Variants in ZNF451 observed in about 807,000 individuals in gnomAD.
The protein encoded by ZNF451 is E3 SUMO-protein ligase ZNF451.
ZNF451 carries 80 observed loss-of-function variants against 107.1 expected under a neutral mutation model. The ratio of observed to expected loss-of-function variants is 0.75; its 90% confidence interval spans 0.62 to 0.90. The LOEUF (loss-of-function observed/expected upper bound fraction) is 0.90. Among genes scored for constraint, ZNF451 ranks in the 40% least tolerant of loss-of-function variants. The pLI is 0.00. For synonymous variants in ZNF451, 362 were observed against 406.5 expected (o/e 0.89, Z 1.32); for missense variants, 1,107 against 1,236.2 (o/e 0.90, Z 1.57).
chr6:57,163,575 C>T (rs1332422711), intron 14 of ZNF451, among the ~76,000 whole-genome samples: 1 of 148,240 alleles, frequency 6.7e-6, no homozygotes, highest in African/African-American at 2.5e-5. Context: ...CTCAGCCTCC[C>T]GAGTAGCTGG....
intron 3 of ZNF451, chr6:57,102,702 A>T (rs925551437): frequency 1.0e-6 from 1 of 985,330 alleles, no homozygotes; most frequent in Admixed American, 6.2e-5. Flanking sequence ...CTGGAATTCA[A>T]ATCAAATTTT....
chr6:57,120,213 G>T lies in ZNF451; in HGVS notation c.187-4521G>T, dbSNP rs745386489. 2.6e-5 allele frequency among the ~76,000 whole-genome samples: 4 copies of T among 152,052 alleles called. No individual in the cohort carries two copies. The East Asian group carries it at 7.7e-4, about 29-fold the overall frequency. On this transcript the variant is annotated intron_variant, in intron 3 of 14. Coordinates refer to ENST00000370706, the MANE Select transcript of ZNF451 (RefSeq NM_001031623.3). ...TTGGCTTCTTTCACTTAGTAATCAGGTGCTTTTAAGGTTCCTCCATGTCTT... is the reference window on the plus strand; with the variant it reads ...TTGGCTTCTTTCACTTAGTAATCAGTTGCTTTTAAGGTTCCTCCATGTCTT...
chr6:57,102,261 A>G, intron 3 of ZNF451: 2 of 1,354,098 alleles, frequency 1.5e-6, no homozygotes, highest in South Asian at 2.2e-5. Context: ...GAAATGAAGT[A>G]TATAATAAAG....
intron 3 of ZNF451, chr6:57,108,771 A>ATTTG: frequency 1.0e-6 from 1 of 985,436 alleles, no homozygotes; most frequent in Non-Finnish European, 1.2e-6. Context: ...AAGAATCTAC[A>ATTTG]TTTGTATAGT....
At chr6:57,104,521 G>A in intron 3 of ZNF451, 2 of 985,112 alleles carry the variant, frequency 2.0e-6, no homozygotes, top group Non-Finnish European at 2.4e-6. Context: ...AATAAGTTAT[G>A]CCTGAGAATG....
At position 57,147,001 on chromosome 6, in the gene ZNF451, T is replaced by A; in HGVS notation, c.1005-89T>A. 3 of 1,231,646 alleles carry A rather than the reference T, an allele frequency of 2.4e-6. No homozygotes were observed. In the East Asian group the frequency reaches 7.6e-5, roughly 31 times the overall value. The allele number at this position is 1,231,646 out of a possible 1,614,324, so 76.3% of individuals were successfully genotyped here. A position where few individuals can be genotyped will look rare whatever the true frequency, so the allele number is the denominator to read the frequency against. On this transcript the variant is annotated intron_variant, in intron 9 of 14. Coordinates refer to ENST00000370706, the MANE Select transcript of ZNF451 (RefSeq NM_001031623.3). ...CTTTTAGTGCTTATTTATACGTTGG[T>A]TATTTTATAATTCCTGCAATAAAAT...
At chr6:57,141,919 T>C (rs1045546140) in intron 8 of ZNF451, 29 bp from the exon 9 acceptor site, 6 of 1,602,876 alleles carry the variant, frequency 3.7e-6, no homozygotes, top group Admixed American at 1.7e-5. Context: ...CAAATAACTT[T>C]GCAAATTATA....
intron 1 of ZNF451, 118 bp downstream of exon 1, chr6:57,090,392 C>G: frequency 6.8e-7 from 1 of 1,479,498 alleles, no homozygotes; most frequent in Non-Finnish European, 9.1e-7. Context: ...TCTTCAGTGT[C>G]TTGGGCCGAG....
intron 3 of ZNF451, among the ~76,000 whole-genome samples, chr6:57,119,983 C>T (rs756497035): frequency 5.3e-5 from 8 of 151,998 alleles, no homozygotes; most frequent in Non-Finnish European, 1.0e-4. Context: ...TATACATTCT[C>T]TAGGCTTTGA....
intron 3 of ZNF451, among the ~76,000 whole-genome samples, chr6:57,121,581 C>T (rs993271518): frequency 6.6e-6 from 1 of 152,074 alleles, no homozygotes; most frequent in African/African-American, 2.4e-5. Flanking sequence ...TCTCTATATA[C>T]CAATAACAGT....
chr6:57,117,597 A>C (rs1830435123), intron 3 of ZNF451, among the ~76,000 whole-genome samples: 1 of 152,138 alleles, frequency 6.6e-6, no homozygotes, highest in African/African-American at 2.4e-5. Flanking sequence ...AAGGGAGTGA[A>C]GTTTTAAGAA....
At chr6:57,153,722 C>A in intron 12 of ZNF451, 139 bp from the exon 13 acceptor site, 1 of 810,766 alleles carries the variant, frequency 1.2e-6, no homozygotes. Context: ...TGAAGGAGAT[C>A]TTTATGTCAT....
intron 2 of ZNF451, among the ~76,000 whole-genome samples, chr6:57,093,290 T>C (rs893041695): frequency 4.6e-5 from 7 of 152,214 alleles, no homozygotes; most frequent in Non-Finnish European, 8.8e-5. Flanking sequence ...ATTATTGATA[T>C]AGTGTAGCAT....
intron 3 of ZNF451, chr6:57,104,740 T>C (rs1036091160): frequency 5.1e-6 from 5 of 985,424 alleles, no homozygotes; most frequent in South Asian, 4.7e-5. Flanking sequence ...TGCTGTTCTC[T>C]TTTCCTCCTG....
In ZNF451 at chr6:57,168,476, A is replaced by G. The variant is rs1763998798; in HGVS notation, c.*7A>G. The G allele has an allele frequency of 3.1e-6, 5 of 1,603,640 alleles. No homozygotes were observed. The highest frequency in any genetic ancestry group is 4.3e-6 in the Non-Finnish European group (5 of 1,173,162). On this transcript the variant is annotated 3_prime_UTR_variant, in exon 15 of 15. Coordinates refer to ENST00000370706, the MANE Select transcript of ZNF451 (RefSeq NM_001031623.3). ...AAGTCTTGAGGAAATGTAATTAAAGATATTACCACACAACATCAAGTGGCC... is the reference window on the plus strand; with the variant it reads ...AAGTCTTGAGGAAATGTAATTAAAGGTATTACCACACAACATCAAGTGGCC...
At chr6:57,154,459 TA>T in intron 13 of ZNF451, 1 of 252,114 alleles carries the variant, frequency 4.0e-6, no homozygotes. Context: ...GGTGATCATT[TA>T]AGAGGTTGAC....
chr6:57,132,601 G>A lies in ZNF451; in HGVS notation c.425-441G>A, dbSNP rs539753926. Among the ~76,000 whole-genome samples, 3 of 151,880 alleles carry A rather than the reference G, an allele frequency of 2.0e-5. No homozygotes were observed. The East Asian group carries it at 5.8e-4, about 29-fold the overall frequency. On this transcript the variant is annotated intron_variant, in intron 5 of 14. Coordinates refer to ENST00000370706, the MANE Select transcript of ZNF451 (RefSeq NM_001031623.3). ...TGGGCATGGTGGCATGTGCCTATAG[G>A]CCCACCTGCTCAAAATGAAGGGAGT...
In ZNF451 at chr6:57,108,493, A is replaced by C. The variant is rs1436404445; in HGVS notation, c.186+9352A>C. On this transcript the variant is annotated intron_variant, in intron 3 of 14. Coordinates refer to ENST00000370706, the MANE Select transcript of ZNF451 (RefSeq NM_001031623.3). ...GATGATGAAATAAAAACGTTTCCCC[A>C]AGTCACTAAACACAGTTTTCAATTC... 6 of 985,228 alleles carry C rather than the reference A, an allele frequency of 6.1e-6. No individual in the cohort carries two copies. The African/African-American group carries it at 1.0e-4, about 17-fold the overall frequency. The allele number at this position is 985,228 out of a possible 1,614,324, so 61.0% of individuals were successfully genotyped here.
chr6:57,101,463 A>G, intron 3 of ZNF451: 1 of 1,550,918 alleles, frequency 6.4e-7, no homozygotes. Context: ...GCCCCATTGT[A>G]GAAGCATTAG....
Sources: allele counts gnomAD v4.1 joint callset (sites outside exome capture counted in the v4.1 genomes callset), GRCh38; gene constraint gnomAD v4.1.1; transcripts MANE v1.5; gene names NCBI Gene and HGNC (gene_info 2026-07-23, HGNC 2026-07-21).